TRIQK: variants seen among roughly 807,000 people sequenced by gnomAD.
TRIQK encodes the protein triple QxxK/R motif containing, also known as triple QxxK/R motif-containing protein.
In TRIQK, 10 loss-of-function variants were observed where a neutral mutation model predicts 10.8. The ratio of observed to expected loss-of-function variants is 0.92; its 90% CI spans 0.57 to 1.57. The LOEUF is 1.57. Among genes scored for constraint, TRIQK ranks in the 40% most tolerant of loss-of-function variants. The probability of loss-of-function intolerance (pLI) is 0.00; values close to 1 mark genes in which losing one functional copy is unlikely to be tolerated. For missense variants in TRIQK, 107 were observed against 97.7 expected, an observed-to-expected ratio of 1.09 and a Z score of -0.40; for synonymous variants, 33 against 33.7, an observed-to-expected ratio of 0.98 and a Z score of 0.07.
chr8:92,981,988 A>G (rs927980650), intron 1 of TRIQK, among the ~76,000 whole-genome samples: 9 of 151,738 alleles, frequency 5.9e-5, no homozygotes, highest in African/African-American at 2.2e-4. Flanking sequence ...ATGACATCTC[A>G]AGGGTATTAC....
intron 2 of TRIQK, among the ~76,000 whole-genome samples, chr8:92,949,569 GGAAA>G (rs1014267689): frequency 2.8e-5 from 4 of 142,598 alleles, no homozygotes; most frequent in South Asian, 2.2e-4. Context: ...GGAAAGGGAA[GGAAA>G]GAAAGAAAGA....
chr8:92,963,982 A>G (rs929182422), intron 1 of TRIQK: 1 of 152,202 alleles, frequency 6.6e-6, no homozygotes, highest in Non-Finnish European at 1.5e-5. Flanking sequence ...ATATGCTTTA[A>G]GAGGTTATGA....
At chr8:92,951,375 A>G (rs1308308291) in intron 2 of TRIQK, among the ~76,000 whole-genome samples, 2 of 152,068 alleles carry the variant, frequency 1.3e-5, no homozygotes, top group African/African-American at 4.8e-5. Context: ...CTTAAGAAAA[A>G]TGAGGACACA....
intron 3 of TRIQK, among the ~76,000 whole-genome samples, chr8:92,892,745 T>G (rs2130274539): frequency 6.6e-6 from 1 of 152,090 alleles, no homozygotes; most frequent in Admixed American, 6.6e-5. Flanking sequence ...TGTGCGAAAC[T>G]GAGTTAGTGC....
In TRIQK at chr8:92,884,587, C is replaced by T. The variant is rs139939144; in HGVS notation, c.*2035G>A. 121 of 316,478 alleles carry T rather than the reference C, an allele frequency of 3.8e-4. No individual in the cohort carries two copies. The highest frequency in any genetic ancestry group is 2.2e-3 in the African/African-American group (102 of 46,026). 19.6% of individuals were successfully genotyped at this position (316,478 alleles called of 1,614,324 possible). The stretch of plus-strand genomic sequence containing the variant: ...AAACATTTTTCCCCAAAAAATACCT[C>T]AAGGGTAAAACAGAATGGTAAAGTT... On this transcript the variant is annotated 3_prime_UTR_variant, in exon 5 of 5. Coordinates refer to ENST00000521988, the MANE Select transcript of TRIQK (RefSeq NM_001171797.2).
At chr8:92,982,187 T>G (rs1271375618) in intron 1 of TRIQK, among the ~76,000 whole-genome samples, 1 of 151,814 alleles carries the variant, frequency 6.6e-6, no homozygotes, top group Non-Finnish European at 1.5e-5. Context: ...TTTTTGACAG[T>G]TTTTTATTTG....
chr8:92,965,202 C>T (rs1812674310), intron 1 of TRIQK: 1 of 152,102 alleles, frequency 6.6e-6, no homozygotes. Flanking sequence ...TACATTGGGG[C>T]TCCTCTAGCA....
chr8:92,896,715 G>C (rs1386287840), intron 3 of TRIQK, among the ~76,000 whole-genome samples: 1 of 151,970 alleles, frequency 6.6e-6, no homozygotes, highest in Non-Finnish European at 1.5e-5. Context: ...GTTGGGTTTT[G>C]GACTTGCTTG....
rs151235860 is a variant in TRIQK, at chr8:92,999,395, G to A, written c.-181+18214C>T. On this transcript the variant is annotated intron_variant, in intron 1 of 4. Transcript: ENST00000520686. ...AATTTATGGCAAAGTTAAAAAACAC[G>A]TAGTCTCTGAACATATATACTAATT... 2.0e-4 allele frequency among the ~76,000 whole-genome samples: 30 copies of A among 152,214 alleles called. No homozygotes were observed. In the East Asian group the frequency reaches 3.5e-3, roughly 18 times the overall value.
intron 2 of TRIQK, among the ~76,000 whole-genome samples, chr8:92,951,917 C>T (rs1389834417): frequency 6.6e-6 from 1 of 152,040 alleles, no homozygotes; most frequent in Non-Finnish European, 1.5e-5. Context: ...AGTCCAAAAG[C>T]CAATGCTCAC....
upstream of TRIQK, among the ~76,000 whole-genome samples, chr8:92,968,165 T>G (rs1812836330): frequency 6.6e-6 from 1 of 152,216 alleles, no homozygotes; most frequent in African/African-American, 2.4e-5. Flanking sequence ...TATTCTATGG[T>G]GTATATGTGC....
At chr8:92,946,814 G>C (rs1586475876) in intron 2 of TRIQK, among the ~76,000 whole-genome samples, 1 of 149,766 alleles carries the variant, frequency 6.7e-6, no homozygotes, top group East Asian at 2.0e-4. Context: ...AGGCTGGAGT[G>C]CAGTGGTGCA....
rs143965049 is a variant in TRIQK at position 92,990,339 on chromosome 8, T to A, written c.-181+27270A>T. Among the ~76,000 whole-genome samples, 1,355 of 152,346 alleles carry A rather than the reference T, an allele frequency of 8.9e-3. 16 individuals are homozygous for A. Among genetic ancestry groups the A allele is most frequent in the Middle Eastern group, 0.061 (18 of 294 alleles). On this transcript the variant is annotated intron_variant, in intron 1 of 4. Coordinates refer to the TRIQK transcript ENST00000520686. ...AATGTGGATGCTATTTTTGCTGTGA[T>A]GCTCCTTTTTCATTTCCTGTGTTTT...
At chr8:93,009,367 T>C (rs1586530859) in intron 1 of TRIQK, among the ~76,000 whole-genome samples, 1 of 152,128 alleles carries the variant, frequency 6.6e-6, no homozygotes, top group East Asian at 1.9e-4. Context: ...TGCAGCACTT[T>C]GGGAGGCCGA....
rs922261821 is a variant in TRIQK at position 92,884,172 on chromosome 8, T to A, written c.*2450A>T. On this transcript the variant is annotated 3_prime_UTR_variant, in exon 5 of 5. Coordinates refer to ENST00000521988, the MANE Select transcript of TRIQK (RefSeq NM_001171797.2). ...ACCCATGTCTAAAATTTGTGTCTGG[T>A]GCCAGTCTCAGATTTCTGCCAAACA... 6.6e-6 allele frequency: 1 copy of A among 151,864 alleles called. No homozygotes were observed. The highest frequency in any genetic ancestry group is 2.4e-5 in the African/African-American group (1 of 41,398). The allele number at this position is 151,864 out of a possible 1,614,324, so 9.4% of individuals were successfully genotyped here.
Position 92,937,460 on chromosome 8 carries a change from C to T in TRIQK, c.-22+16946G>A, listed in dbSNP as rs547061974. Reference sequence around the variant, plus strand: ...CTTGCTTGTTTTACCCAGTTGAAAACATGTGTTTTAAATGTACAATTAAGA... The same window carrying T: ...CTTGCTTGTTTTACCCAGTTGAAAATATGTGTTTTAAATGTACAATTAAGA... On this transcript the variant is annotated intron_variant, in intron 2 of 4. Coordinates refer to ENST00000521988, the MANE Select transcript of TRIQK (RefSeq NM_001171797.2). Among the ~76,000 whole-genome samples, 248 of 151,762 alleles carry T rather than the reference C, an allele frequency of 1.6e-3. 2 individuals are homozygous for T. The highest frequency in any genetic ancestry group is 5.6e-3 in the African/African-American group (232 of 41,480).
chr8:92,922,513 T>C (rs907024747), intron 2 of TRIQK: 1 of 151,850 alleles, frequency 6.6e-6, no homozygotes, highest in African/African-American at 2.4e-5. Flanking sequence ...TGGTTACTCA[T>C]TATGCTTCCC....
intron 1 of TRIQK, among the ~76,000 whole-genome samples, chr8:93,016,033 T>A (rs1813381994): frequency 6.6e-6 from 1 of 152,302 alleles, no homozygotes; most frequent in East Asian, 1.9e-4. Context: ...ATAATGTATG[T>A]TAAAAACATC....
rs1563655547 is a variant in TRIQK at position 92,949,842 on chromosome 8, G to GAAA, written c.-22+4563_-22+4564insTTT. On this transcript the variant is annotated intron_variant, in intron 2 of 4. Transcript: ENST00000521988. ...AGAAAGAAAGAAAGAAAGAAAGAAA[G>GAAA]GGAGAGAAAAGAAAAGAGAAAGGAA... Among the ~76,000 whole-genome samples, 11 of 93,864 alleles carry GAAA rather than the reference G, an allele frequency of 1.2e-4. No homozygotes were observed. The East Asian group carries it at 1.9e-3, about 16-fold the overall frequency. 61.6% of individuals were successfully genotyped at this position (93,864 alleles called of 152,430 possible).
Sources: gnomAD v4.1 joint callset for allele counts (sites outside exome capture counted in the v4.1 genomes callset) on GRCh38, gnomAD v4.1.1 for gene constraint, MANE v1.5 for transcripts, NCBI Gene and HGNC (gene_info 2026-07-23, HGNC 2026-07-21) for gene names.